Variants in TMEM116 observed in about 807,000 individuals in gnomAD.
TMEM116 encodes transmembrane protein 116.
TMEM116 carries 38 observed loss-of-function variants against 44.3 expected under a neutral mutation model. The observed-to-expected ratio is 0.86, with a 90% CI of 0.66 to 1.12. The LOEUF is 1.12. TMEM116 is among the 50% of genes most tolerant of loss of function. The pLI, the probability that TMEM116 is intolerant of heterozygous loss-of-function variation, is 0.00. For synonymous variants in TMEM116, 132 were observed against 144.8 expected (o/e 0.91, Z 0.64); for missense variants, 354 against 401.7 (o/e 0.88, Z 1.01).
At chr12:111,990,250 G>A (rs1385180089) in intron 4 of TMEM116, among the ~76,000 whole-genome samples, 4 of 132,250 alleles carry the variant, frequency 3.0e-5, no homozygotes, top group South Asian at 2.5e-4. Context: ...GCGAGACTCC[G>A]CCTCAAAAAA....
chr12:111,956,844 C>T (rs769891635), intron 4 of TMEM116, among the ~76,000 whole-genome samples: 57 of 152,148 alleles, frequency 3.7e-4, no homozygotes, highest in African/African-American at 8.9e-4. Context: ...GAGTGAGTGG[C>T]GTGATCTCGG....
At chr12:111,997,124 T>C (rs2076972347) in intron 3 of TMEM116, among the ~76,000 whole-genome samples, 1 of 152,266 alleles carries the variant, frequency 6.6e-6, no homozygotes, top group Non-Finnish European at 1.5e-5. Context: ...AATAGGTATA[T>C]GTCTGGAAGT....
chr12:111,988,636 T>C (rs1040996911), intron 4 of TMEM116, among the ~76,000 whole-genome samples: 8 of 150,210 alleles, frequency 5.3e-5, no homozygotes, highest in African/African-American at 2.0e-4. Flanking sequence ...GAGGCAGAGG[T>C]TGCAGTGAGC....
At chr12:111,943,515 C>A in intron 4 of TMEM116, 146 bp from the exon 5 acceptor site, 2 of 635,900 alleles carry the variant, frequency 3.1e-6, no homozygotes, top group South Asian at 1.9e-5. Context: ...CCAGGCAAAA[C>A]CATACCAAGT....
At position 111,936,729 on chromosome 12, in the gene TMEM116, A is replaced by G; in HGVS notation, c.551T>C (p.Phe184Ser). 1 of 1,614,026 alleles carries G rather than the reference A, an allele frequency of 6.2e-7. No homozygotes were observed. The highest frequency in any genetic ancestry group is 8.5e-7 in the Non-Finnish European group (1 of 1,179,942). Residue 184 changes from phenylalanine to serine, a missense_variant, in exon 8 of 11, where the codon TTC (phenylalanine) becomes TCC (serine). By Grantham distance (155) the Phe-to-Ser change is radical (BLOSUM62 -2). Transcript: ENST00000552374. ...GAGGCTGAGTACAAAGCTGCCCAGGAAAATGGCGATACCATAAAAATAAAG... is the reference window on the plus strand; with the variant it reads ...GAGGCTGAGTACAAAGCTGCCCAGGGAAATGGCGATACCATAAAAATAAAG... ...STLYFYGIAI[F>S]LGSFVLSLLT...
chr12:111,961,850 T>C (rs139354177), intron 4 of TMEM116, among the ~76,000 whole-genome samples: 12 of 152,296 alleles, frequency 7.9e-5, no homozygotes, highest in African/African-American at 2.9e-4. Flanking sequence ...AAATAAAGCA[T>C]ATTCAAATAG....
chr12:111,987,547 A>C (rs2076293686), intron 4 of TMEM116, among the ~76,000 whole-genome samples: 1 of 151,982 alleles, frequency 6.6e-6, no homozygotes. Flanking sequence ...TTGAAGAGAC[A>C]TTTCTTCAGA....
At chr12:111,988,857 T>C (rs1292398518) in intron 4 of TMEM116, among the ~76,000 whole-genome samples, 1 of 151,654 alleles carries the variant, frequency 6.6e-6, no homozygotes, top group Non-Finnish European at 1.5e-5. Flanking sequence ...CCAGGTGTGG[T>C]GGCGGGCGCC....
chr12:111,945,461 TAC>T (rs1289899124), intron 4 of TMEM116, among the ~76,000 whole-genome samples: 1 of 151,528 alleles, frequency 6.6e-6, no homozygotes, highest in African/African-American at 2.4e-5. Flanking sequence ...TCATAGCAGA[TAC>T]ATAAGCATTC....
At chr12:111,991,250 C>T (rs1435667769) in intron 4 of TMEM116, among the ~76,000 whole-genome samples, 1 of 139,710 alleles carries the variant, frequency 7.2e-6, no homozygotes, top group East Asian at 2.2e-4. Flanking sequence ...CGGCTGGGTG[C>T]GGTGGCTCAT....
chr12:111,942,359 G>A (rs1315165861), intron 5 of TMEM116, among the ~76,000 whole-genome samples: 6 of 151,994 alleles, frequency 3.9e-5, no homozygotes, highest in African/African-American at 9.7e-5. Context: ...TGCAAGCTCC[G>A]CCTCCCGGGT....
intron 4 of TMEM116, among the ~76,000 whole-genome samples, chr12:111,962,713 TAGA>T (rs1481046814): frequency 6.6e-6 from 1 of 152,122 alleles, no homozygotes; most frequent in Non-Finnish European, 1.5e-5. Flanking sequence ...ATAAAAACCC[TAGA>T]AGAAAACCTA....
chr12:111,992,000 T>C (rs1379785029), intron 3 of TMEM116, 111 bp from the exon 4 acceptor site: 2 of 1,174,868 alleles, frequency 1.7e-6, no homozygotes, highest in South Asian at 1.5e-5. Flanking sequence ...ATCATTTTTC[T>C]GGGGCCTCTG....
intron 4 of TMEM116, among the ~76,000 whole-genome samples, chr12:111,957,460 G>A (rs568983202): frequency 1.4e-3 from 202 of 148,988 alleles, no homozygotes; most frequent in South Asian, 6.4e-3. Context: ...AGTGAGGAGC[G>A]TCTACGCCCG....
intron 1 of TMEM116, among the ~76,000 whole-genome samples, chr12:112,006,397 G>C (rs1431200789): frequency 1.3e-5 from 2 of 152,094 alleles, no homozygotes; most frequent in Non-Finnish European, 2.9e-5. Context: ...ATAGAAAGGA[G>C]GTCTCCCTAA....
At chr12:112,007,904 A>G (rs1256629651) in intron 1 of TMEM116, among the ~76,000 whole-genome samples, 1 of 152,220 alleles carries the variant, frequency 6.6e-6, no homozygotes, top group Non-Finnish European at 1.5e-5. Context: ...TGCTTGCTGT[A>G]TATTCAGCAC....
intron 4 of TMEM116, among the ~76,000 whole-genome samples, chr12:111,960,360 C>T (rs562707737): frequency 1.5e-4 from 22 of 151,472 alleles, no homozygotes; most frequent in Admixed American, 9.9e-4. Flanking sequence ...GGGGTGGTGG[C>T]GGGCCCCTGT....
At chr12:111,957,604 C>T (rs1158357454) in intron 4 of TMEM116, among the ~76,000 whole-genome samples, 1 of 151,636 alleles carries the variant, frequency 6.6e-6, no homozygotes, top group African/African-American at 2.4e-5. Context: ...CGGCCAGCCG[C>T]CCCGTCCGGG....
At chr12:111,995,861 T>A (rs1381651587) in intron 3 of TMEM116, among the ~76,000 whole-genome samples, 1 of 149,792 alleles carries the variant, frequency 6.7e-6, no homozygotes, top group Admixed American at 6.7e-5. Flanking sequence ...TGAGACTCCA[T>A]CTCTACAAAT....
Sources: allele counts gnomAD v4.1 joint callset (sites outside exome capture counted in the v4.1 genomes callset), GRCh38; gene constraint gnomAD v4.1.1; transcripts MANE v1.5; gene names NCBI Gene and HGNC (gene_info 2026-07-23, HGNC 2026-07-21).